The following DNAH5 variants were observed in gnomAD, a reference collection of about 807,000 sequenced individuals.
DNAH5 encodes axonemal beta dynein heavy chain 5.
Under a neutral mutation model 518.2 loss-of-function variants are expected in DNAH5, and 372 were observed. The observed-to-expected ratio is 0.72, with a 90% confidence interval of 0.66 to 0.78. The LOEUF is 0.78. Ranked by LOEUF, DNAH5 falls within the 30% of genes least tolerant of loss-of-function variation. The probability of loss-of-function intolerance (pLI) is 0.00; values close to 1 mark genes in which losing one functional copy is unlikely to be tolerated. For synonymous variants in DNAH5, 2,039 were observed against 2,025.9 expected, an observed-to-expected ratio of 1.01 and a Z score of -0.17; for missense variants, 5,523 against 5,687.0, an observed-to-expected ratio of 0.97 and a Z score of 0.93.
intron 6 of DNAH5, 122 bp downstream of exon 6, chr5:13,920,358 C>T: frequency 7.5e-7 from 1 of 1,332,060 alleles, no homozygotes; most frequent in Non-Finnish European, 1.1e-6. Flanking sequence ...GGACCTCTCA[C>T]CTCCTCAAGG....
intron 70 of DNAH5, among the ~76,000 whole-genome samples, chr5:13,726,271 A>G (rs186426003): frequency 2.0e-3 from 302 of 152,344 alleles, no homozygotes; most frequent in Middle Eastern, 3.4e-3. Context: ...TATAAGGGCC[A>G]TGGGCAGATA....
At chr5:13,874,714 T>C (rs1770624003) in intron 22 of DNAH5, among the ~76,000 whole-genome samples, 1 of 152,154 alleles carries the variant, frequency 6.6e-6, no homozygotes, top group African/African-American at 2.4e-5. Context: ...AACATAGTTT[T>C]ACCATATTGG....
At chr5:13,844,793 C>T (rs1488338512) in intron 32 of DNAH5, 44 bp downstream of exon 32, 7 of 1,613,072 alleles carry the variant, frequency 4.3e-6, no homozygotes, top group African/African-American at 1.3e-5. Context: ...AGTTGAGGTT[C>T]GAAGGTACGG....
chr5:13,849,753 C>A (rs2591546), intron 31 of DNAH5, among the ~76,000 whole-genome samples: 1 of 151,950 alleles, frequency 6.6e-6, no homozygotes, highest in Non-Finnish European at 1.5e-5. Context: ...AAGTAATCCA[C>A]ATTGCTTACA....
Position 13,885,963 on chromosome 5 carries a change from C to T in DNAH5, c.2743+1G>A. The T allele has an allele frequency of 6.2e-7, 1 of 1,612,300 alleles. No individual in the cohort carries two copies. The highest frequency in any genetic ancestry group is 8.5e-7 in the Non-Finnish European group (1 of 1,179,536). ...GACCCTTTCATTACCCCATCTCTTA[C>T]CTGAACTTTCATTTTTGTAATTAAC... is the stretch of plus-strand genomic sequence containing the variant. On this transcript the variant is annotated splice_donor_variant, in intron 18 of 78. Transcript: ENST00000265104. LOFTEE classifies it high-confidence loss of function.
intron 30 of DNAH5, among the ~76,000 whole-genome samples, chr5:13,853,948 T>C (rs1231038278): frequency 2.6e-5 from 4 of 152,106 alleles, no homozygotes; most frequent in Non-Finnish European, 4.4e-5. Context: ...GAAAACACTC[T>C]TCAGGATATT....
intron 68 of DNAH5, among the ~76,000 whole-genome samples, chr5:13,733,834 G>A (rs898378143): frequency 3.3e-5 from 5 of 152,144 alleles, no homozygotes; most frequent in African/African-American, 1.2e-4. Flanking sequence ...TGTTCCCCTA[G>A]GGGTGGTCTT....
rs748147224 is a variant in DNAH5 at position 13,719,069 on chromosome 5, C to T, written c.12312G>A (p.Leu4104=). ...TCAGCTCATCCATGAAATCAAGTCC[C>T]AGATGGCAGTTCTGCAGAAGTGCCC... ...GGWALLQNCH[L]GLDFMDELMD... is the part of the protein sequence containing the mutation. Residue 4104 remains leucine (L), a synonymous_variant, in exon 72 of 79, where the codon CTG becomes CTA. Transcript: ENST00000265104. 1 of 1,614,068 alleles carries T rather than the reference C, an allele frequency of 6.2e-7. No homozygotes were observed.
At chr5:13,768,644 T>C (rs1752860205) in intron 58 of DNAH5, among the ~76,000 whole-genome samples, 1 of 152,160 alleles carries the variant, frequency 6.6e-6, no homozygotes, top group Non-Finnish European at 1.5e-5. Flanking sequence ...AATGTTGCCT[T>C]AGAAAGTTGA....
intron 61 of DNAH5, among the ~76,000 whole-genome samples, chr5:13,755,321 T>C (rs1394144266): frequency 2.0e-5 from 3 of 152,140 alleles, no homozygotes; most frequent in Non-Finnish European, 4.4e-5. Flanking sequence ...AATTATAGTG[T>C]ATCCATGAAT....
intron 11 of DNAH5, among the ~76,000 whole-genome samples, chr5:13,912,000 C>T (rs114136006): frequency 6.6e-6 from 1 of 152,158 alleles, no homozygotes; most frequent in African/African-American, 2.4e-5. Flanking sequence ...CCAGAATCCA[C>T]CACTTAAAAC....
At chr5:13,856,537 T>C (rs1237673355) in intron 30 of DNAH5, among the ~76,000 whole-genome samples, 1 of 152,114 alleles carries the variant, frequency 6.6e-6, no homozygotes, top group Admixed American at 6.6e-5. Context: ...ATCATCCTCA[T>C]ACCAAAACCT....
chr5:13,942,424 T>TAATATAATAAGC (rs1213994502), intron 1 of DNAH5, among the ~76,000 whole-genome samples: 1 of 152,208 alleles, frequency 6.6e-6, no homozygotes, highest in Non-Finnish European at 1.5e-5. Context: ...CATGAAGTTA[T>TAATATAATAAGC]AATATAATAA....
At chr5:13,746,498 T>C (rs2126666978) in intron 65 of DNAH5, among the ~76,000 whole-genome samples, 1 of 152,268 alleles carries the variant, frequency 6.6e-6, no homozygotes, top group Non-Finnish European at 1.5e-5. Flanking sequence ...CCTGGGCACC[T>C]GGCCTGTTAG....
intron 14 of DNAH5, chr5:13,900,752 G>A (rs557529841): frequency 4.1e-5 from 14 of 342,676 alleles, no homozygotes; most frequent in African/African-American, 1.1e-4. Context: ...TAAAAGTTTC[G>A]TAAGACCTCC....
intron 30 of DNAH5, among the ~76,000 whole-genome samples, chr5:13,856,106 C>T (rs1358217383): frequency 6.6e-6 from 1 of 151,998 alleles, no homozygotes; most frequent in Non-Finnish European, 1.5e-5. Context: ...CAAGAGCAAA[C>T]AAATTCAAAA....
rs35339556 is a variant in DNAH5, at chr5:13,837,560, C to CA, written c.5882+1795dup. Among the ~76,000 whole-genome samples, 914 of 144,664 alleles carry CA rather than the reference C, an allele frequency of 6.3e-3. 8 individuals carry two copies. Among genetic ancestry groups the CA allele is most frequent in the Admixed American group, 0.026 (374 of 14,488 alleles). 94.9% of individuals were successfully genotyped at this position (144,664 alleles called of 152,430 possible). A position where few individuals can be genotyped will look rare whatever the true frequency, so the allele number is the denominator to read the frequency against. On this transcript the variant is annotated intron_variant, in intron 35 of 78. Transcript: ENST00000265104. ...GTGGAGATGAATGCGTCTATCTTCT[C>CA]AAAAAAAAAAACATGAAATAAGGCC...
chr5:13,800,176 G>C (rs1758528910), intron 47 of DNAH5, among the ~76,000 whole-genome samples: 1 of 152,098 alleles, frequency 6.6e-6, no homozygotes, highest in South Asian at 2.1e-4. Flanking sequence ...GAAATATTTT[G>C]AGCTTGCCAA....
intron 78 of DNAH5, among the ~76,000 whole-genome samples, chr5:13,693,213 C>T (rs1273114202): frequency 2.0e-5 from 3 of 152,336 alleles, no homozygotes; most frequent in East Asian, 3.9e-4. Flanking sequence ...CTTAACTATT[C>T]AGGTGAAATT....
Sources: allele counts gnomAD v4.1 joint callset (sites outside exome capture counted in the v4.1 genomes callset), GRCh38; gene constraint gnomAD v4.1.1; transcripts MANE v1.5; gene names NCBI Gene and HGNC (gene_info 2026-07-23, HGNC 2026-07-21).